Variants in GALNT13 observed in about 807,000 individuals in gnomAD.
The protein encoded by GALNT13 is UDP-GalNAc:polypeptide N-acetylgalactosaminyltransferase 13.
Under a neutral mutation model 64.2 loss-of-function variants are expected in GALNT13, and 28 were observed. That is an observed-to-expected ratio of 0.44 (90% CI 0.32 to 0.60). GALNT13 has a LOEUF of 0.60. GALNT13 is among the 20% of genes least tolerant of loss of function. The pLI, the probability that GALNT13 is intolerant of heterozygous loss-of-function variation, is 0.05. For missense variants in GALNT13, 577 were observed against 669.8 expected, an observed-to-expected ratio of 0.86 and a Z score of 1.53; for synonymous variants, 214 against 224.6, an observed-to-expected ratio of 0.95 and a Z score of 0.42.
At chr2:153,402,818 T>A in the GALNT13 span, among the ~76,000 whole-genome samples, 2 of 152,148 alleles carry the variant, frequency 1.3e-5, no homozygotes, top group Non-Finnish European at 2.9e-5. Flanking sequence ...TTATTCTAGT[T>A]ATACATTCTT....
At chr2:153,069,984 G>A in the GALNT13 span, among the ~76,000 whole-genome samples, 1 of 152,068 alleles carries the variant, frequency 6.6e-6, no homozygotes, top group Non-Finnish European at 1.5e-5. Context: ...TGCATAAAGA[G>A]CCTGTGAACA....
intron 11 of GALNT13, chr2:154,437,344 CTA>C: frequency 4.0e-6 from 1 of 250,968 alleles, no homozygotes; most frequent in South Asian, 3.9e-5. Flanking sequence ...TCTTCCAAGA[CTA>C]ACTCGTTCAG....
intron 1 of GALNT13, among the ~76,000 whole-genome samples, chr2:153,872,724 C>T (rs1039973739): frequency 6.6e-6 from 1 of 151,808 alleles, no homozygotes; most frequent in Non-Finnish European, 1.5e-5. Context: ...GCACCAGCTG[C>T]AGGCAGCCCC....
At chr2:153,365,989 C>T in the GALNT13 span, among the ~76,000 whole-genome samples, 1 of 152,140 alleles carries the variant, frequency 6.6e-6, no homozygotes, top group Admixed American at 6.5e-5. Flanking sequence ...TTGGAACTAA[C>T]CCAAATGTCC....
At chr2:153,991,511 G>A (rs1293595873) in intron 3 of GALNT13, among the ~76,000 whole-genome samples, 1 of 152,126 alleles carries the variant, frequency 6.6e-6, no homozygotes, top group Non-Finnish European at 1.5e-5. Flanking sequence ...TATACAACAT[G>A]TCTTCTTTAG....
At chr2:153,652,166 A>G in the GALNT13 span, among the ~76,000 whole-genome samples, 1 of 152,182 alleles carries the variant, frequency 6.6e-6, no homozygotes, top group African/African-American at 2.4e-5. Context: ...AAGTTTGACT[A>G]ATTACATTTT....
At chr2:153,372,746 C>A in the GALNT13 span, among the ~76,000 whole-genome samples, 1 of 152,044 alleles carries the variant, frequency 6.6e-6, no homozygotes, top group Admixed American at 6.6e-5. Context: ...TCTATTTCAT[C>A]CTTCATCTCC....
At chr2:153,870,546 TCA>T (rs1685855212), upstream of GALNT13, among the ~76,000 whole-genome samples, 1 of 151,928 alleles carries the variant, frequency 6.6e-6, no homozygotes, top group Non-Finnish European at 1.5e-5. Flanking sequence ...CCCTGTGTAC[TCA>T]CACATGCACA....
At chr2:153,345,711 C>G in the GALNT13 span, among the ~76,000 whole-genome samples, 1,673 of 47,950 alleles carry the variant, frequency 0.035, 48 homozygotes, top group Admixed American at 0.047. Flanking sequence ...TTCTCTTTCT[C>G]TCTTTCTGTC....
chr2:154,083,974 T>G (rs1328068968), intron 3 of GALNT13, among the ~76,000 whole-genome samples: 1 of 151,842 alleles, frequency 6.6e-6, no homozygotes, highest in Non-Finnish European at 1.5e-5. Context: ...GAAGAGAGAA[T>G]GATCATATCT....
At chr2:154,345,693 A>G (rs1280778467) in intron 9 of GALNT13, among the ~76,000 whole-genome samples, 1 of 152,056 alleles carries the variant, frequency 6.6e-6, no homozygotes, top group Non-Finnish European at 1.5e-5. Flanking sequence ...ATAATTATAG[A>G]AATTCAGCCT....
chr2:154,387,745 G>A (rs528028000), intron 9 of GALNT13, among the ~76,000 whole-genome samples: 19 of 152,232 alleles, frequency 1.2e-4, no homozygotes, highest in African/African-American at 3.4e-4. Context: ...TTGTCAAAAT[G>A]ATGGGATTTT....
intron 9 of GALNT13, among the ~76,000 whole-genome samples, chr2:154,319,636 G>C (rs1164683572): frequency 1.3e-5 from 2 of 150,930 alleles, no homozygotes; most frequent in Non-Finnish European, 2.9e-5. Flanking sequence ...CTGCACTCCA[G>C]CCTGGGTGAC....
the GALNT13 span, among the ~76,000 whole-genome samples, chr2:153,418,932 T>C: frequency 2.6e-5 from 4 of 151,828 alleles, no homozygotes; most frequent in East Asian, 1.9e-4. Context: ...TGCTGTGGAG[T>C]AGTGACTGCT....
chr2:153,392,849 T>C, the GALNT13 span, among the ~76,000 whole-genome samples: 1 of 151,892 alleles, frequency 6.6e-6, no homozygotes, highest in Non-Finnish European at 1.5e-5. Flanking sequence ...CTTCAGGAGG[T>C]AATTAGGTCA....
At chr2:153,336,366 A>G in the GALNT13 span, among the ~76,000 whole-genome samples, 1 of 152,090 alleles carries the variant, frequency 6.6e-6, no homozygotes, top group African/African-American at 2.4e-5. Context: ...GGGAGGCTGT[A>G]CCCTGCAAAG....
At chr2:154,191,007 C>T (rs1686546593) in intron 4 of GALNT13, among the ~76,000 whole-genome samples, 1 of 151,990 alleles carries the variant, frequency 6.6e-6, no homozygotes, top group Non-Finnish European at 1.5e-5. Context: ...GCTCAATAGC[C>T]ACATGCTTCT....
chr2:154,025,537 C>T (rs1369221394), intron 3 of GALNT13, among the ~76,000 whole-genome samples: 5 of 66,594 alleles, frequency 7.5e-5, no homozygotes, highest in African/African-American at 1.8e-4. Context: ...AATGAAGTTT[C>T]GAAGGCATGG....
At chr2:153,116,040 T>G in the GALNT13 span, among the ~76,000 whole-genome samples, 1 of 152,176 alleles carries the variant, frequency 6.6e-6, no homozygotes, top group African/African-American at 2.4e-5. Flanking sequence ...TATGGTTAAA[T>G]TAAAAGTGTG....
Sources: allele counts gnomAD v4.1 joint callset (sites outside exome capture counted in the v4.1 genomes callset), GRCh38; gene constraint gnomAD v4.1.1; transcripts MANE v1.5; gene names NCBI Gene and HGNC (gene_info 2026-07-23, HGNC 2026-07-21).